Variants in NGEF observed in about 807,000 individuals in gnomAD.
NGEF encodes neuronal guanine nucleotide exchange factor.
In NGEF, 31 loss-of-function variants were observed where a neutral mutation model predicts 80.9. The observed-to-expected ratio is 0.38, with a 90% CI of 0.29 to 0.52. The LOEUF is 0.52. Among genes scored for constraint, NGEF ranks in the 20% least tolerant of loss-of-function variants. The pLI is 0.84. For missense variants in NGEF, 709 were observed against 926.2 expected (o/e 0.77, Z 3.04); for synonymous variants, 371 against 370.2 (o/e 1.00, Z -0.03).
intron 5 of NGEF, among the ~76,000 whole-genome samples, chr2:232,898,704 G>C (rs1013109270): frequency 1.3e-5 from 2 of 152,210 alleles, no homozygotes; most frequent in African/African-American, 2.4e-5. Flanking sequence ...TGCTCACTGA[G>C]CATCTGCTGA....
Position 232,920,433 on chromosome 2 carries a change from G to GCTCCTC in NGEF, c.673_678dup (p.Glu225_Glu226dup). The GCTCCTC allele has an allele frequency of 6.2e-7, 1 of 1,613,570 alleles. No individual in the cohort carries two copies. The highest frequency in any genetic ancestry group is 8.5e-7 in the Non-Finnish European group (1 of 1,179,740). On this transcript the variant is annotated inframe_insertion, in exon 5 of 15. Coordinates refer to ENST00000264051, the MANE Select transcript of NGEF (RefSeq NM_019850.3). ...GTCTTCCTCTCTGGTGGGCTGGCCG[G>GCTCCTC]CTCCTCCTCCTCCTCCTCTTCTTCT...
intron 1 of NGEF, among the ~76,000 whole-genome samples, chr2:233,011,815 T>A (rs1163826858): frequency 6.6e-6 from 1 of 152,196 alleles, no homozygotes; most frequent in Non-Finnish European, 1.5e-5. Flanking sequence ...GGCAGAAAGC[T>A]GTGGAATGTT....
In NGEF at chr2:232,888,090, T is replaced by A; in HGVS notation, c.1290A>T (p.Val430=). Residue 430 remains valine (V), a synonymous_variant, in exon 9 of 15, where the codon GTA becomes GTT. Coordinates refer to ENST00000264051, the MANE Select transcript of NGEF (RefSeq NM_019850.3). ...KLLVQNILKR[V]EERSERECTA... ...TGCACTCCCGCTCAGACCTCTCTTC[T>A]ACCCTCTTCAGGATGTTCTATGCAC... is the stretch of plus-strand genomic sequence containing the variant. 1.2e-6 allele frequency: 2 copies of A among 1,607,748 alleles called. No homozygotes were observed. The highest frequency in any genetic ancestry group is 1.7e-6 in the Non-Finnish European group (2 of 1,178,126).
chr2:232,914,772 A>G (rs2106270031), intron 5 of NGEF, among the ~76,000 whole-genome samples: 1 of 152,136 alleles, frequency 6.6e-6, no homozygotes, highest in East Asian at 1.9e-4. Flanking sequence ...TAATCCCAGC[A>G]CTTTGGGAGG....
intron 1 of NGEF, among the ~76,000 whole-genome samples, chr2:233,009,422 G>A (rs760623247): frequency 2.6e-5 from 4 of 152,046 alleles, no homozygotes; most frequent in African/African-American, 9.7e-5. Context: ...CTGAATTTGC[G>A]ATCCTCCCAC....
At chr2:233,002,662 C>T (rs903097604) in intron 1 of NGEF, among the ~76,000 whole-genome samples, 2 of 152,126 alleles carry the variant, frequency 1.3e-5, no homozygotes, top group African/African-American at 4.8e-5. Context: ...TAGAGAGAGA[C>T]CCTGTCACAC....
At chr2:232,915,017 CA>C (rs11374459) in intron 5 of NGEF, among the ~76,000 whole-genome samples, 215 of 97,142 alleles carry the variant, frequency 2.2e-3, no homozygotes, top group East Asian at 6.7e-3. Flanking sequence ...ACTCCATCTC[CA>C]AAAAAAAAAA....
At chr2:233,011,960 C>T (rs568521635) in intron 1 of NGEF, among the ~76,000 whole-genome samples, 50 of 152,230 alleles carry the variant, frequency 3.3e-4, no homozygotes, top group African/African-American at 1.1e-3. Context: ...CTGTGGTCTC[C>T]CTTCATGGAC....
intron 6 of NGEF, 35 bp from the exon 7 acceptor site, chr2:232,893,085 CG>C (rs764181523): frequency 2.5e-6 from 4 of 1,596,344 alleles, no homozygotes; most frequent in Admixed American, 1.7e-5. Flanking sequence ...GGAGGGTGCC[CG>C]GGGGGTAGGG....
chr2:232,888,177 G>A (rs1691753808), intron 8 of NGEF, 70 bp from the exon 9 acceptor site: 10 of 1,170,182 alleles, frequency 8.5e-6, no homozygotes, highest in East Asian at 2.4e-5. Flanking sequence ...CACCTTGACC[G>A]TGACTACCTC....
intron 3 of NGEF, among the ~76,000 whole-genome samples, chr2:232,959,295 G>A (rs1693897017): frequency 6.6e-6 from 1 of 152,070 alleles, no homozygotes; most frequent in African/African-American, 2.4e-5. Context: ...GTAAATTCCT[G>A]GTTAGAGCTG....
At chr2:232,980,049 C>T (rs1438648757) in intron 1 of NGEF, among the ~76,000 whole-genome samples, 1 of 152,148 alleles carries the variant, frequency 6.6e-6, no homozygotes, top group Non-Finnish European at 1.5e-5. Context: ...CTATCTGACT[C>T]ATTTGTTGGG....
chr2:233,005,481 C>T (rs1317131445), intron 1 of NGEF, among the ~76,000 whole-genome samples: 4 of 152,230 alleles, frequency 2.6e-5, no homozygotes, highest in Non-Finnish European at 5.9e-5. Context: ...GCTTACAAGG[C>T]CACCTTCTGT....
At chr2:232,883,617 C>T (rs1691585116) in intron 11 of NGEF, 151 bp from the exon 12 acceptor site, 2 of 869,788 alleles carry the variant, frequency 2.3e-6, no homozygotes, top group Non-Finnish European at 3.4e-6. Flanking sequence ...CGCCTGTCTC[C>T]CGCACCCCAA....
intron 2 of NGEF, among the ~76,000 whole-genome samples, chr2:232,971,459 C>T (rs998847974): frequency 4.6e-5 from 7 of 152,156 alleles, no homozygotes; most frequent in South Asian, 2.1e-4. Flanking sequence ...CTGAGGTGGG[C>T]GGATCACTTG....
At chr2:232,922,468 A>G (rs1477325537) in intron 4 of NGEF, among the ~76,000 whole-genome samples, 4 of 152,230 alleles carry the variant, frequency 2.6e-5, no homozygotes, top group African/African-American at 9.6e-5. Flanking sequence ...CCAGCCGGAT[A>G]CAACATGGAG....
At chr2:232,885,434 C>A in intron 9 of NGEF, 65 bp from the exon 10 acceptor site, 1 of 1,386,534 alleles carries the variant, frequency 7.2e-7, no homozygotes, top group South Asian at 1.2e-5. Flanking sequence ...TCCTCCAGCT[C>A]GGTCAGGCCA....
chr2:232,888,365 ATG>A (rs1691766306), intron 8 of NGEF, among the ~76,000 whole-genome samples: 1 of 91,528 alleles, frequency 1.1e-5, no homozygotes, highest in Non-Finnish European at 2.3e-5. Flanking sequence ...GTGTGCACAC[ATG>A]CACACCGTGT....
In NGEF at chr2:232,883,958, T is replaced by G. The variant is rs751352225; in HGVS notation, c.1601+23A>C. 1.9e-6 allele frequency: 3 copies of G among 1,592,396 alleles called. No homozygotes were observed. In the Admixed American group the frequency reaches 5.1e-5, roughly 27 times the overall value. On this transcript the variant is annotated intron_variant, in intron 11 of 14. Coordinates refer to ENST00000264051, the MANE Select transcript of NGEF (RefSeq NM_019850.3). ...ACACTCCTCTACCCACCGGAGCGCC[T>G]GATGCCCTGGGCCCCGACTCACCCT... is the stretch of plus-strand genomic sequence containing the variant.
Sources: gnomAD v4.1 joint callset for allele counts (sites outside exome capture counted in the v4.1 genomes callset) on GRCh38, gnomAD v4.1.1 for gene constraint, MANE v1.5 for transcripts, NCBI Gene and HGNC (gene_info 2026-07-23, HGNC 2026-07-21) for gene names.